The following RETREG1 variants were observed in gnomAD, a reference collection of about 807,000 sequenced individuals.
RETREG1 encodes the protein family with sequence similarity 134 member B.
RETREG1 carries 44 observed loss-of-function variants against 54.8 expected under a neutral mutation model. The observed-to-expected ratio is 0.80, with a 90% CI of 0.63 to 1.03. The LOEUF (loss-of-function observed/expected upper bound fraction) is 1.03, where lower values mean the gene tolerates loss of function less well. Among genes scored for constraint, RETREG1 ranks in the 50% least tolerant of loss-of-function variants. The probability of loss-of-function intolerance (pLI) is 0.00; values close to 1 mark genes in which losing one functional copy is unlikely to be tolerated. For missense variants in RETREG1, 554 were observed against 605.1 expected (o/e 0.92, Z 0.89); for synonymous variants, 217 against 238.5 (o/e 0.91, Z 0.83).
intron 1 of RETREG1, among the ~76,000 whole-genome samples, chr5:16,610,849 G>A (rs371687581): frequency 1.8e-4 from 27 of 152,240 alleles, no homozygotes; most frequent in Middle Eastern, 3.4e-3. Flanking sequence ...TCAGTGTGGC[G>A]ATTCCTCAGG....
At chr5:16,584,219 T>C (rs1293466087) in intron 1 of RETREG1, among the ~76,000 whole-genome samples, 2 of 152,082 alleles carry the variant, frequency 1.3e-5, no homozygotes, top group African/African-American at 4.8e-5. Flanking sequence ...CACCAAAATC[T>C]CAGAAATCAC....
At chr5:16,608,973 T>G (rs1743268833) in intron 1 of RETREG1, among the ~76,000 whole-genome samples, 1 of 152,260 alleles carries the variant, frequency 6.6e-6, no homozygotes, top group African/African-American at 2.4e-5. Context: ...AAATGGACGC[T>G]GCTTCATTAC....
chr5:16,498,835 C>T (rs1334143993), intron 3 of RETREG1, among the ~76,000 whole-genome samples: 1 of 152,234 alleles, frequency 6.6e-6, no homozygotes, highest in Non-Finnish European at 1.5e-5. Flanking sequence ...TAGGACATTA[C>T]TGTGCACTAC....
chr5:16,475,768 A>G (rs1165628318), intron 8 of RETREG1, among the ~76,000 whole-genome samples: 4 of 152,316 alleles, frequency 2.6e-5, no homozygotes, highest in East Asian at 1.9e-4. Context: ...CTTCTATTCC[A>G]TATAACCCAA....
intron 1 of RETREG1, among the ~76,000 whole-genome samples, chr5:16,592,617 GCACT>G (rs1742804678): frequency 6.6e-6 from 1 of 152,042 alleles, no homozygotes; most frequent in Non-Finnish European, 1.5e-5. Context: ...CACTGCAGCA[GCACT>G]CACAATAGCA....
chr5:16,494,310 T>C (rs1000443793), intron 3 of RETREG1, among the ~76,000 whole-genome samples: 2 of 152,308 alleles, frequency 1.3e-5, no homozygotes, highest in South Asian at 2.1e-4. Flanking sequence ...CCTGGGATTA[T>C]AGATGACACA....
intron 3 of RETREG1, among the ~76,000 whole-genome samples, chr5:16,490,460 A>C (rs1426055038): frequency 6.6e-6 from 1 of 152,224 alleles, no homozygotes; most frequent in African/African-American, 2.4e-5. Context: ...AAATCAAGCA[A>C]AGGCAGTTTG....
Position 16,614,235 on chromosome 5 carries a change from A to G in RETREG1, c.320+2417T>C, listed in dbSNP as rs150156329. Among the ~76,000 whole-genome samples the G allele has an allele frequency of 4.2e-4, 36 of 86,384 alleles. No homozygotes were observed. The East Asian group carries it at 0.013, about 31-fold the overall frequency. The allele number at this position is 86,384 out of a possible 152,430, so 56.7% of individuals were successfully genotyped here. ...ACATTATTTTCAATAGGTGTCATTA[A>G]AGAAAACATCATAGAAAAAAGTTTG... is the stretch of plus-strand genomic sequence containing the variant. On this transcript the variant is annotated intron_variant, in intron 1 of 8. Coordinates refer to ENST00000306320, the MANE Select transcript of RETREG1 (RefSeq NM_001034850.3).
At chr5:16,600,594 C>T (rs1459402374) in intron 1 of RETREG1, among the ~76,000 whole-genome samples, 2 of 152,118 alleles carry the variant, frequency 1.3e-5, no homozygotes, top group African/African-American at 4.8e-5. Context: ...CTCCCTGCCC[C>T]GCCCCCACAG....
At position 16,475,025 on chromosome 5, in the gene RETREG1, G is replaced by C; in HGVS notation, c.1210C>G (p.Gln404Glu). The change falls in exon 9 of 9, where the codon CAA becomes GAA. Residue 404 changes from glutamine to glutamate, a missense_variant. Coordinates refer to ENST00000306320, the MANE Select transcript of RETREG1 (RefSeq NM_001034850.3). Reference sequence around the variant, plus strand: ...AGGTTGCTCATCAGGTGAAAGGTTTGGTCACTGTTCAGAGGAAGGGTGAGA... The same window carrying C: ...AGGTTGCTCATCAGGTGAAAGGTTTCGTCACTGTTCAGAGGAAGGGTGAGA... ...AGLTLPLNSD[Q>E]TFHLMSNLAG... 1 of 1,613,724 alleles carries C rather than the reference G, an allele frequency of 6.2e-7. No homozygotes were observed.
At chr5:16,570,593 G>A (rs567190628) in intron 2 of RETREG1, among the ~76,000 whole-genome samples, 2 of 152,272 alleles carry the variant, frequency 1.3e-5, no homozygotes, top group South Asian at 4.2e-4. Context: ...TTTCCCTGAG[G>A]GAGTTCCTGT....
At chr5:16,548,971 A>G (rs1366230) in intron 3 of RETREG1, among the ~76,000 whole-genome samples, 53,192 of 152,148 alleles carry the variant, frequency 0.35, 10,465 homozygotes, top group Non-Finnish European at 0.44. Flanking sequence ...CTAGGTGGTG[A>G]GTACCAGCAG....
intron 1 of RETREG1, among the ~76,000 whole-genome samples, chr5:16,580,446 G>A (rs1742450187): frequency 6.6e-6 from 1 of 152,214 alleles, no homozygotes; most frequent in South Asian, 2.1e-4. Context: ...GACTGCTGCT[G>A]AAAATTACTT....
intron 3 of RETREG1, among the ~76,000 whole-genome samples, chr5:16,553,340 A>G (rs113231470): frequency 0.012 from 1,731 of 148,828 alleles, 36 homozygotes; most frequent in African/African-American, 0.041. Context: ...AAAAAAAAAC[A>G]CTAGTCCTAG....
chr5:16,545,901 A>C (rs1741373357), intron 3 of RETREG1, among the ~76,000 whole-genome samples: 1 of 152,192 alleles, frequency 6.6e-6, no homozygotes, highest in Non-Finnish European at 1.5e-5. Context: ...CCTCCAGGGC[A>C]CTGAGCACAG....
chr5:16,596,737 T>G (rs1742903222), intron 1 of RETREG1, among the ~76,000 whole-genome samples: 1 of 152,092 alleles, frequency 6.6e-6, no homozygotes, highest in African/African-American at 2.4e-5. Context: ...TCACTGCAAC[T>G]CCAGGGAATG....
chr5:16,520,062 G>A (rs1740481388), intron 3 of RETREG1, among the ~76,000 whole-genome samples: 1 of 152,192 alleles, frequency 6.6e-6, no homozygotes, highest in African/African-American at 2.4e-5. Context: ...TGGAAAGCAT[G>A]GCCTGGACAG....
intron 1 of RETREG1, among the ~76,000 whole-genome samples, chr5:16,607,573 C>A (rs1743227062): frequency 6.6e-6 from 1 of 151,984 alleles, no homozygotes; most frequent in Non-Finnish European, 1.5e-5. Context: ...AAGATCACAC[C>A]ACTGCACTCC....
chr5:16,542,811 A>C (rs190901032), intron 3 of RETREG1, among the ~76,000 whole-genome samples: 2 of 152,228 alleles, frequency 1.3e-5, no homozygotes, highest in Non-Finnish European at 2.9e-5. Flanking sequence ...TTCATGTATT[A>C]GTGCTCATCG....
Sources: allele counts gnomAD v4.1 joint callset (sites outside exome capture counted in the v4.1 genomes callset), GRCh38; gene constraint gnomAD v4.1.1; transcripts MANE v1.5; gene names NCBI Gene and HGNC (gene_info 2026-07-23, HGNC 2026-07-21).